IGF2BP3: variants seen among roughly 807,000 people sequenced by gnomAD.
IGF2BP3 encodes the protein insulin-like growth factor 2 mRNA-binding protein 3.
IGF2BP3 carries 9 observed loss-of-function variants against 73.8 expected under a neutral mutation model. The observed-to-expected ratio is 0.12, with a 90% CI of 0.07 to 0.21. The LOEUF is 0.21. IGF2BP3 is among the 10% of genes least tolerant of loss of function. The probability of loss-of-function intolerance (pLI) is 1.00; values close to 1 mark genes in which losing one functional copy is unlikely to be tolerated. For synonymous variants in IGF2BP3, 258 were observed against 256.7 expected, an observed-to-expected ratio of 1.01 and a Z score of -0.05; for missense variants, 542 against 714.0, an observed-to-expected ratio of 0.76 and a Z score of 2.75.
chr7:23,396,847 C>A (rs1786490585), intron 3 of IGF2BP3, among the ~76,000 whole-genome samples: 1 of 152,162 alleles, frequency 6.6e-6, no homozygotes, highest in Non-Finnish European at 1.5e-5. Flanking sequence ...GGACAAATGC[C>A]TCCAAAAAAA....
At chr7:23,363,610 A>C (rs1245643322) in intron 3 of IGF2BP3, among the ~76,000 whole-genome samples, 1 of 152,158 alleles carries the variant, frequency 6.6e-6, no homozygotes, top group Non-Finnish European at 1.5e-5. Flanking sequence ...TTTATTTGGT[A>C]AATTTCCTTT....
At chr7:23,338,133 T>A (rs1286225056) in intron 10 of IGF2BP3, among the ~76,000 whole-genome samples, 1 of 151,988 alleles carries the variant, frequency 6.6e-6, no homozygotes, top group Non-Finnish European at 1.5e-5. Context: ...CCACAGAGGT[T>A]TTTGGCATGA....
chr7:23,387,078 GA>G (rs1326451604), intron 3 of IGF2BP3, among the ~76,000 whole-genome samples: 1 of 145,828 alleles, frequency 6.9e-6, no homozygotes, highest in East Asian at 2.0e-4. Context: ...AAAAAAAAAA[GA>G]AAGAAAGAAA....
intron 12 of IGF2BP3, among the ~76,000 whole-genome samples, chr7:23,315,377 G>T (rs1182493670): frequency 6.6e-6 from 1 of 152,242 alleles, no homozygotes; most frequent in African/African-American, 2.4e-5. Context: ...CAAAGTGCTG[G>T]GATAGCAAGC....
chr7:23,340,301 G>A (rs1221747241), intron 10 of IGF2BP3, among the ~76,000 whole-genome samples: 2 of 152,178 alleles, frequency 1.3e-5, no homozygotes, highest in Non-Finnish European at 2.9e-5. Flanking sequence ...GAAACGGCAG[G>A]TGAATTGCAG....
At chr7:23,415,340 G>A (rs1053568956) in intron 3 of IGF2BP3, 4 of 222,282 alleles carry the variant, frequency 1.8e-5, no homozygotes, top group Non-Finnish European at 8.9e-6. Context: ...CACCGCATCC[G>A]CAGGTCCCGT....
At chr7:23,429,520 A>G (rs1294547570) in intron 2 of IGF2BP3, among the ~76,000 whole-genome samples, 1 of 152,216 alleles carries the variant, frequency 6.6e-6, no homozygotes, top group Non-Finnish European at 1.5e-5. Context: ...TAATCCAACC[A>G]ACAGCATAAC....
intron 2 of IGF2BP3, among the ~76,000 whole-genome samples, chr7:23,426,820 T>C (rs1787524337): frequency 6.6e-6 from 1 of 152,184 alleles, no homozygotes. Context: ...TAGTGATCAC[T>C]GCCTAAACCC....
At chr7:23,468,570 C>T in intron 1 of IGF2BP3, 28 bp from the exon 2 acceptor site, 2 of 1,612,130 alleles carry the variant, frequency 1.2e-6, no homozygotes, top group Non-Finnish European at 1.7e-6. Flanking sequence ...GTGAGACGGT[C>T]GGCCGAGTTC....
intron 3 of IGF2BP3, among the ~76,000 whole-genome samples, chr7:23,399,623 T>G (rs746856624): frequency 1.3e-5 from 2 of 152,124 alleles, no homozygotes; most frequent in Non-Finnish European, 2.9e-5. Context: ...ACCAAGTTTG[T>G]GATTAATTTG....
At chr7:23,369,981 T>C (rs1785495573) in intron 3 of IGF2BP3, among the ~76,000 whole-genome samples, 1 of 152,204 alleles carries the variant, frequency 6.6e-6, no homozygotes, top group Admixed American at 6.5e-5. Context: ...TAACACTCCA[T>C]GACTATATCC....
intron 3 of IGF2BP3, among the ~76,000 whole-genome samples, chr7:23,405,998 G>T (rs151195694): frequency 5.9e-5 from 9 of 151,816 alleles, no homozygotes; most frequent in African/African-American, 2.2e-4. Flanking sequence ...TCTACAACCG[G>T]TGAGTTCTCT....
At chr7:23,368,824 G>C (rs1333137190) in intron 3 of IGF2BP3, among the ~76,000 whole-genome samples, 3 of 151,810 alleles carry the variant, frequency 2.0e-5, no homozygotes, top group African/African-American at 7.3e-5. Flanking sequence ...TTGAACCCAG[G>C]AGGCAGAGGT....
At chr7:23,445,313 T>C (rs1343484066) in intron 2 of IGF2BP3, among the ~76,000 whole-genome samples, 2 of 152,214 alleles carry the variant, frequency 1.3e-5, no homozygotes, top group East Asian at 1.9e-4. Context: ...TTAGTTCCTG[T>C]GGGTGTTTTG....
At chr7:23,386,029 A>G (rs1054764881) in intron 3 of IGF2BP3, among the ~76,000 whole-genome samples, 1 of 152,224 alleles carries the variant, frequency 6.6e-6, no homozygotes, top group Admixed American at 6.5e-5. Context: ...GAAATTACTT[A>G]TCTAAGATTT....
At chr7:23,379,029 G>C (rs1451329058) in intron 3 of IGF2BP3, among the ~76,000 whole-genome samples, 1 of 152,214 alleles carries the variant, frequency 6.6e-6, no homozygotes, top group Non-Finnish European at 1.5e-5. Context: ...GCTAGGACAA[G>C]GTCAGAGTTC....
At chr7:23,460,800 A>G (rs1483683907) in intron 2 of IGF2BP3, among the ~76,000 whole-genome samples, 1 of 151,900 alleles carries the variant, frequency 6.6e-6, no homozygotes, top group Non-Finnish European at 1.5e-5. Flanking sequence ...AAACTACAAA[A>G]ATCAACTGGG....
intron 12 of IGF2BP3, among the ~76,000 whole-genome samples, chr7:23,314,269 G>A (rs1198030822): frequency 6.7e-6 from 1 of 150,040 alleles, no homozygotes; most frequent in Non-Finnish European, 1.5e-5. Flanking sequence ...TGCAACCCCC[G>A]CCTCCCAGGT....
chr7:23,317,906 T>C (rs1310340477), intron 11 of IGF2BP3, 193 bp from the exon 12 acceptor site: 7 of 595,222 alleles, frequency 1.2e-5, no homozygotes, highest in Admixed American at 2.7e-5. Flanking sequence ...TATATGCTTA[T>C]TCTGTGCCGG....
Sources: gnomAD v4.1 joint callset for allele counts (sites outside exome capture counted in the v4.1 genomes callset) on GRCh38, gnomAD v4.1.1 for gene constraint, MANE v1.5 for transcripts, NCBI Gene and HGNC (gene_info 2026-07-23, HGNC 2026-07-21) for gene names.